Variants in DLGAP1 observed in about 807,000 individuals in gnomAD.
DLGAP1 encodes the protein DLG associated protein 1, also known as disks large-associated protein 1.
A neutral mutation model predicts 90.8 loss-of-function variants in DLGAP1; 11 were observed. The observed-to-expected ratio is 0.12, with a 90% CI of 0.08 to 0.20. DLGAP1 has a LOEUF of 0.20. Among genes scored for constraint, DLGAP1 ranks in the 10% least tolerant of loss-of-function variants. The pLI is 1.00. For missense variants in DLGAP1, 1,050 were observed against 1,333.8 expected (o/e 0.79, Z 3.31); for synonymous variants, 558 against 540.7 (o/e 1.03, Z -0.44).
intron 1 of DLGAP1, among the ~76,000 whole-genome samples, chr18:4,360,599 T>A (rs984494641): frequency 5.3e-5 from 8 of 152,206 alleles, no homozygotes; most frequent in African/African-American, 1.9e-4. Flanking sequence ...TTCAGTGTTA[T>A]GAATACAGCA....
rs373263109 is a variant in DLGAP1 at position 4,228,515 on chromosome 18, A to G, written c.-266-77228T>C. On this transcript the variant is annotated intron_variant, in intron 1 of 12. Coordinates refer to ENST00000315677, the MANE Select transcript of DLGAP1 (RefSeq NM_004746.4). ...ATCACGGCCAAGTGAGATTTATCCC[A>G]GGAATACAGAGATGGTTCAACATAT... 2.0e-4 allele frequency among the ~76,000 whole-genome samples: 30 copies of G among 152,178 alleles called. 1 individual carries two copies. In the South Asian group the frequency reaches 6.2e-3, roughly 31 times the overall value.
At chr18:3,969,419 G>A (rs188613095) in intron 3 of DLGAP1, among the ~76,000 whole-genome samples, 13 of 152,250 alleles carry the variant, frequency 8.5e-5, no homozygotes, top group Non-Finnish European at 1.3e-4. Flanking sequence ...TCAATTAGGC[G>A]TTGACTGAGT....
chr18:4,284,396 C>A (rs1207586089), intron 1 of DLGAP1, among the ~76,000 whole-genome samples: 1 of 152,036 alleles, frequency 6.6e-6, no homozygotes, highest in Non-Finnish European at 1.5e-5. Context: ...CCAGTTAATG[C>A]ATCAAACGCT....
At chr18:4,304,272 T>C (rs917450678) in intron 1 of DLGAP1, among the ~76,000 whole-genome samples, 4 of 151,402 alleles carry the variant, frequency 2.6e-5, no homozygotes, top group Middle Eastern at 6.8e-3. Context: ...ATTGTACACT[T>C]TAAGATTGTT....
rs572492960 is a variant in DLGAP1 at position 4,425,843 on chromosome 18, T to C, written c.-267+29163A>G. On this transcript the variant is annotated intron_variant, in intron 1 of 12. Transcript: ENST00000315677. Reference sequence around the variant, plus strand: ...GACCATATCTTAGTGGTTTTAGAGTTACTTTCATAAAGTCATTCATTAAAG... The same window carrying C: ...GACCATATCTTAGTGGTTTTAGAGTCACTTTCATAAAGTCATTCATTAAAG... 2.0e-5 allele frequency among the ~76,000 whole-genome samples: 3 copies of C among 152,318 alleles called. No individual in the cohort carries two copies. In the South Asian group the frequency reaches 6.2e-4, roughly 32 times the overall value.
intron 2 of DLGAP1, among the ~76,000 whole-genome samples, chr18:4,049,864 A>T (rs2075107264): frequency 6.6e-6 from 1 of 151,658 alleles, no homozygotes; most frequent in African/African-American, 2.4e-5. Context: ...CTACCTACTC[A>T]TTTATCCATC....
At chr18:3,725,830 C>T (rs561574197) in intron 7 of DLGAP1, among the ~76,000 whole-genome samples, 1 of 152,190 alleles carries the variant, frequency 6.6e-6, no homozygotes, top group African/African-American at 2.4e-5. Flanking sequence ...TCCTTGCTCA[C>T]CTACTAATAC....
intron 9 of DLGAP1, among the ~76,000 whole-genome samples, chr18:3,551,529 T>G (rs1212351784): frequency 1.3e-5 from 2 of 152,222 alleles, no homozygotes; most frequent in African/African-American, 4.8e-5. Context: ...ATTACAGGTG[T>G]GTACCACTAT....
chr18:3,824,221 T>C (rs896558291), intron 4 of DLGAP1, among the ~76,000 whole-genome samples: 2 of 152,110 alleles, frequency 1.3e-5, no homozygotes, highest in Non-Finnish European at 2.9e-5. Context: ...GTTGCAAACA[T>C]TGAATTCCCT....
intron 6 of DLGAP1, among the ~76,000 whole-genome samples, chr18:3,740,940 A>T (rs2062883254): frequency 7.3e-6 from 1 of 137,544 alleles, no homozygotes; most frequent in Non-Finnish European, 1.6e-5. Context: ...CATCACCACC[A>T]CTGCCACCAC....
chr18:4,338,989 A>T (rs1006271322), intron 1 of DLGAP1, among the ~76,000 whole-genome samples: 2 of 152,228 alleles, frequency 1.3e-5, no homozygotes, highest in Admixed American at 1.3e-4. Context: ...GACTGTGTCC[A>T]ACTGATGGGG....
chr18:3,720,909 A>AAAAAAAAAAAAAAAAG (rs2061957086), intron 7 of DLGAP1, among the ~76,000 whole-genome samples: 1 of 149,754 alleles, frequency 6.7e-6, no homozygotes, highest in Admixed American at 6.7e-5. Flanking sequence ...AAAAAAAAAA[A>AAAAAAAAAAAAAAAAG]TTAGCTGGGC....
chr18:4,196,346 A>T (rs113013776), intron 1 of DLGAP1, among the ~76,000 whole-genome samples: 5 of 152,346 alleles, frequency 3.3e-5, no homozygotes, highest in African/African-American at 1.2e-4. Context: ...TGTTTAGGAA[A>T]TGAAATGAAA....
At chr18:3,822,069 C>G (rs1359602442) in intron 4 of DLGAP1, 2 of 815,292 alleles carry the variant, frequency 2.5e-6, no homozygotes, top group African/African-American at 3.8e-5. Flanking sequence ...TACAATTATG[C>G]AATGTGCAGA....
chr18:4,116,701 A>G (rs1598428170), intron 2 of DLGAP1, among the ~76,000 whole-genome samples: 1 of 152,192 alleles, frequency 6.6e-6, no homozygotes, highest in Non-Finnish European at 1.5e-5. Context: ...TGGTACCTTT[A>G]AAAATAATTT....
At chr18:3,818,539 T>C (rs1020109440) in intron 4 of DLGAP1, among the ~76,000 whole-genome samples, 2 of 151,956 alleles carry the variant, frequency 1.3e-5, no homozygotes, top group African/African-American at 4.8e-5. Context: ...TTTGTATTGC[T>C]AGTAGAGACA....
chr18:4,147,849 C>CGTG (rs1750625362), intron 2 of DLGAP1, among the ~76,000 whole-genome samples: 1 of 152,112 alleles, frequency 6.6e-6, no homozygotes, highest in African/African-American at 2.4e-5. Flanking sequence ...CAAACTGTAA[C>CGTG]GCAGAAATTG....
At chr18:3,646,129 C>T (rs1227936313) in intron 7 of DLGAP1, among the ~76,000 whole-genome samples, 1 of 152,170 alleles carries the variant, frequency 6.6e-6, no homozygotes, top group Non-Finnish European at 1.5e-5. Flanking sequence ...GGTGTGGTGG[C>T]TCATGCCTGT....
At chr18:3,567,256 A>AC in intron 9 of DLGAP1, among the ~76,000 whole-genome samples, 2 of 152,292 alleles carry the variant, frequency 1.3e-5, no homozygotes, top group South Asian at 4.1e-4. Context: ...TGCACACAGT[A>AC]TTTATATGTA....
Sources: gnomAD v4.1 joint callset for allele counts (sites outside exome capture counted in the v4.1 genomes callset) on GRCh38, gnomAD v4.1.1 for gene constraint, MANE v1.5 for transcripts, NCBI Gene and HGNC (gene_info 2026-07-23, HGNC 2026-07-21) for gene names.